Variants in DENND4C observed in about 807,000 individuals in gnomAD.
The protein encoded by DENND4C is DENN domain containing 4C.
In DENND4C, 108 loss-of-function variants were observed where a neutral mutation model predicts 203.0. That is an observed-to-expected ratio of 0.53 (90% CI 0.46 to 0.62). DENND4C has a LOEUF of 0.62. Ranked by LOEUF, DENND4C falls within the 20% of genes least tolerant of loss-of-function variation. The pLI, the probability that DENND4C is intolerant of heterozygous loss-of-function variation, is 0.00. For missense variants in DENND4C, 2,481 were observed against 2,301.2 expected (o/e 1.08, Z -1.60); for synonymous variants, 871 against 792.4 (o/e 1.10, Z -1.67).
intron 30 of DENND4C, among the ~76,000 whole-genome samples, chr9:19,362,657 A>G (rs899223222): frequency 1.3e-5 from 2 of 152,056 alleles, no homozygotes; most frequent in South Asian, 2.1e-4. Context: ...TGATTTTTCT[A>G]TCAAGTAAAA....
chr9:19,346,482 C>T lies in DENND4C; in HGVS notation c.3713C>T (p.Ala1238Val). 6.2e-7 allele frequency: 1 copy of T among 1,614,116 alleles called. No homozygotes were observed. Among genetic ancestry groups the T allele is most frequent in the Non-Finnish European group, 8.5e-7 (1 of 1,180,002 alleles). Residue 1238 changes from alanine to valine, a missense_variant, in exon 23 of 33, where the codon GCT becomes GTT. This residue lies in a region of DENND4C where 2,289 missense variants were observed against 2,113.3 expected (regional missense o/e 1.08). Transcript: ENST00000434457. ...AAGAGAAGTAGTTTATATGGTATTG[C>T]TAAGGTGGTTCAGAGGGAAGATGTT... ...RNKRSSLYGI[A>V]KVVQREDVET...
chr9:19,360,198 C>G, intron 28 of DENND4C, 46 bp from the exon 29 acceptor site: 1 of 1,573,466 alleles, frequency 6.4e-7, no homozygotes, highest in Non-Finnish European at 8.7e-7. Context: ...CTTGAGCATA[C>G]AGATTTAAAC....
At chr9:19,371,107 G>C (rs1257718283) in intron 31 of DENND4C, among the ~76,000 whole-genome samples, 1 of 149,772 alleles carries the variant, frequency 6.7e-6, no homozygotes, top group African/African-American at 2.5e-5. Context: ...AGTGTCACTA[G>C]AATCAGCCTT....
At chr9:19,334,880 T>C (rs1461847348) in intron 17 of DENND4C, 97 bp from the exon 18 acceptor site, 1 of 1,232,814 alleles carries the variant, frequency 8.1e-7, no homozygotes, top group Non-Finnish European at 1.1e-6. Context: ...GAGAAAATAC[T>C]GCTTAATAAC....
At chr9:19,265,624 C>A (rs1477414006) in intron 1 of DENND4C, among the ~76,000 whole-genome samples, 31 of 152,002 alleles carry the variant, frequency 2.0e-4, no homozygotes, top group Admixed American at 2.0e-3. Flanking sequence ...CCACGACAGG[C>A]CCCGGTGTGT....
At position 19,372,319 on chromosome 9, in the gene DENND4C, C is replaced by G. The variant is rs1462251631; in HGVS notation, c.*146C>G. On this transcript the variant is annotated 3_prime_UTR_variant, in exon 33 of 33. Transcript: ENST00000434457. The stretch of plus-strand genomic sequence containing the variant: ...GGACAATATATAATGAATTATGATT[C>G]ATATTGCATTACCTTGAAATATGAA... The G allele has an allele frequency of 6.2e-6, 6 of 968,928 alleles. No homozygotes were observed. In the African/African-American group the frequency reaches 9.8e-5, roughly 16 times the overall value. 60.0% of individuals were successfully genotyped at this position (968,928 alleles called of 1,614,324 possible). A position where few individuals can be genotyped will look rare whatever the true frequency, so the allele number is the denominator to read the frequency against.
Position 19,316,749 on chromosome 9 carries a change from A to G in DENND4C, c.1717A>G (p.Ile573Val), listed in dbSNP as rs764984866. The G allele has an allele frequency of 2.2e-5, 35 of 1,613,970 alleles. No individual in the cohort carries two copies. Among genetic ancestry groups the G allele is most frequent in the African/African-American group, 1.5e-4 (11 of 74,918 alleles). The change falls in exon 12 of 33, where the codon ATT becomes GTT. Residue 573 changes from isoleucine to valine, a missense_variant. Transcript: ENST00000434457. ...QEAFLRFMASILKGYRTYLRP... is the reference protein window; with the variant it reads ...QEAFLRFMASVLKGYRTYLRP... ...GGCATTTTTGCGCTTTATGGCGTCT[A>G]TTTTAAAAGGATATAGAACATATCT...
At chr9:19,279,350 T>G (rs1833562240) in intron 2 of DENND4C, among the ~76,000 whole-genome samples, 2 of 149,790 alleles carry the variant, frequency 1.3e-5, no homozygotes, top group Non-Finnish European at 3.0e-5. Context: ...GAGGATTGCT[T>G]GAGGCCAGGA....
chr9:19,309,860 A>AT (rs1222485066), intron 10 of DENND4C, among the ~76,000 whole-genome samples: 2 of 152,054 alleles, frequency 1.3e-5, no homozygotes, highest in African/African-American at 4.8e-5. Context: ...GTATTTATAG[A>AT]TTCGTTTGGA....
chr9:19,232,534 T>C (rs575863918), intron 1 of DENND4C, among the ~76,000 whole-genome samples: 18 of 152,342 alleles, frequency 1.2e-4, no homozygotes, highest in African/African-American at 4.1e-4. Flanking sequence ...TGGAGAAATT[T>C]TGAAGTTGCA....
intron 1 of DENND4C, among the ~76,000 whole-genome samples, chr9:19,264,161 C>T (rs1333186108): frequency 1.3e-5 from 2 of 152,134 alleles, no homozygotes; most frequent in Non-Finnish European, 2.9e-5. Context: ...CTTCTTACTA[C>T]TGCTTCAATC....
intron 30 of DENND4C, among the ~76,000 whole-genome samples, chr9:19,365,058 G>A (rs766569383): frequency 7.2e-5 from 11 of 152,074 alleles, no homozygotes; most frequent in Non-Finnish European, 1.3e-4. Context: ...GGAGATTTTG[G>A]TCAGAAGGCC....
At chr9:19,285,525 C>T (rs1290928045) in intron 2 of DENND4C, among the ~76,000 whole-genome samples, 1 of 150,656 alleles carries the variant, frequency 6.6e-6, no homozygotes, top group African/African-American at 2.4e-5. Flanking sequence ...TATGGATTTG[C>T]CTATTCTGGA....
Position 19,342,712 on chromosome 9 carries a change from A to G in DENND4C, c.3084A>G (p.Ala1028=), listed in dbSNP as rs138136062. 378 of 1,613,600 alleles carry G rather than the reference A, an allele frequency of 2.3e-4. No homozygotes were observed. The highest frequency in any genetic ancestry group is 2.9e-4 in the Non-Finnish European group (348 of 1,179,818). The part of the protein sequence containing the change: ...PEPHSPTEPP[A]WGSSIVKVPS... ...CTCACAGTCCTACTGAACCTCCTGC[A>G]TGGGGCAGCAGTATTGTGAAAGTTC... The change falls in exon 22 of 33, where the codon GCA becomes GCG. Residue 1028 remains alanine (A), a synonymous_variant. Transcript: ENST00000434457.
intron 1 of DENND4C, among the ~76,000 whole-genome samples, chr9:19,244,178 A>C (rs1349909785): frequency 6.6e-6 from 1 of 151,992 alleles, no homozygotes; most frequent in African/African-American, 2.4e-5. Flanking sequence ...TTACAGGTGC[A>C]CACCATCACA....
intron 12 of DENND4C, among the ~76,000 whole-genome samples, chr9:19,320,672 G>A (rs1368115065): frequency 4.6e-5 from 7 of 152,192 alleles, no homozygotes; most frequent in Non-Finnish European, 2.9e-5. Context: ...GCCAAAATAC[G>A]TGGTGCTCAC....
intron 2 of DENND4C, among the ~76,000 whole-genome samples, chr9:19,281,858 A>T (rs1298544395): frequency 6.6e-6 from 1 of 152,204 alleles, no homozygotes; most frequent in Non-Finnish European, 1.5e-5. Flanking sequence ...ACTGTAGGCA[A>T]CTTACACAGT....
chr9:19,245,391 C>T (rs867152345), intron 1 of DENND4C, among the ~76,000 whole-genome samples: 15 of 149,688 alleles, frequency 1.0e-4, no homozygotes, highest in East Asian at 9.8e-4. Flanking sequence ...GGTGTGAACC[C>T]GGGAGGCGGA....
intron 2 of DENND4C, among the ~76,000 whole-genome samples, chr9:19,280,081 C>A (rs769936828): frequency 6.6e-6 from 1 of 151,958 alleles, no homozygotes; most frequent in Non-Finnish European, 1.5e-5. Flanking sequence ...ACTGGATTAG[C>A]TTTTATTTGA....
Sources: allele counts gnomAD v4.1 joint callset (sites outside exome capture counted in the v4.1 genomes callset), GRCh38; gene constraint gnomAD v4.1.1; regional missense constraint gnomAD v4.1.1; transcripts MANE v1.5; gene names NCBI Gene and HGNC (gene_info 2026-07-23, HGNC 2026-07-21).